XKR4: variants seen among roughly 807,000 people sequenced by gnomAD.
XKR4 encodes XK related 4.
In XKR4, 12 loss-of-function variants were observed where a neutral mutation model predicts 53.9. That is an observed-to-expected ratio of 0.22 (90% CI 0.14 to 0.36). The LOEUF is 0.36. Ranked by LOEUF, XKR4 falls within the 10% of genes least tolerant of loss-of-function variation. The pLI, the probability that XKR4 is intolerant of heterozygous loss-of-function variation, is 1.00. For missense variants in XKR4, 799 were observed against 859.5 expected (o/e 0.93, Z 0.88); for synonymous variants, 354 against 362.4 (o/e 0.98, Z 0.26).
intron 2 of XKR4, among the ~76,000 whole-genome samples, chr8:55,426,724 G>T (rs952866375): frequency 2.6e-5 from 4 of 152,138 alleles, no homozygotes; most frequent in African/African-American, 9.7e-5. Flanking sequence ...TTGAGCCGGA[G>T]GCAACTCAAC....
At chr8:55,461,958 G>T (rs998246506) in intron 2 of XKR4, among the ~76,000 whole-genome samples, 3 of 152,218 alleles carry the variant, frequency 2.0e-5, no homozygotes, top group East Asian at 1.9e-4. Context: ...AAGCCTCCAA[G>T]AAATATGGGA....
chr8:55,485,782 T>C (rs535280656), intron 2 of XKR4, among the ~76,000 whole-genome samples: 20 of 152,268 alleles, frequency 1.3e-4, no homozygotes, highest in Middle Eastern at 3.4e-3. Flanking sequence ...AGTTGCCCAC[T>C]GGGGCACAGG....
Position 55,154,858 on chromosome 8 carries a change from T to C in XKR4, c.806+51564T>C, listed in dbSNP as rs140639269. ...TGAGAAGAGAAATAAGTCAATTAAA[T>C]AGAGATTTGGGAGTATGTATTGACT... On this transcript the variant is annotated intron_variant, in intron 1 of 2. Coordinates refer to ENST00000327381, the MANE Select transcript of XKR4 (RefSeq NM_052898.2). 2.1e-3 allele frequency among the ~76,000 whole-genome samples: 320 copies of C among 152,286 alleles called. 1 individual carries two copies. Among genetic ancestry groups the C allele is most frequent in the African/African-American group, 7.2e-3 (299 of 41,550 alleles).
chr8:55,341,177 A>G (rs1259331302), intron 1 of XKR4, among the ~76,000 whole-genome samples: 2 of 152,158 alleles, frequency 1.3e-5, no homozygotes, highest in Non-Finnish European at 2.9e-5. Context: ...GAGAATAGGG[A>G]AGGGGAACAC....
At chr8:55,300,015 A>G (rs1174935145) in intron 1 of XKR4, among the ~76,000 whole-genome samples, 3 of 152,146 alleles carry the variant, frequency 2.0e-5, no homozygotes, top group Non-Finnish European at 4.4e-5. Context: ...GACTAAGGAC[A>G]CAAGACTGTC....
chr8:55,304,333 C>G (rs1055967297), intron 1 of XKR4, among the ~76,000 whole-genome samples: 2 of 152,118 alleles, frequency 1.3e-5, no homozygotes, highest in African/African-American at 4.8e-5. Context: ...ATCCTGAGTT[C>G]TAGTTTGATT....
intron 1 of XKR4, among the ~76,000 whole-genome samples, chr8:55,114,338 T>C (rs1322102029): frequency 1.3e-5 from 2 of 152,196 alleles, no homozygotes; most frequent in Non-Finnish European, 2.9e-5. Flanking sequence ...GTGTTGAGCA[T>C]TTTTTTCATA....
chr8:55,149,728 A>G (rs903990279), intron 1 of XKR4, among the ~76,000 whole-genome samples: 1 of 152,166 alleles, frequency 6.6e-6, no homozygotes, highest in African/African-American at 2.4e-5. Flanking sequence ...TTAGGAAAAA[A>G]CTAGCTGATA....
intron 1 of XKR4, among the ~76,000 whole-genome samples, chr8:55,293,377 C>A (rs1172296496): frequency 6.6e-6 from 1 of 152,068 alleles, no homozygotes; most frequent in Non-Finnish European, 1.5e-5. Flanking sequence ...AATATAAGCT[C>A]TTTTATAAGA....
At chr8:55,522,240 G>A (rs940557624) in intron 2 of XKR4, among the ~76,000 whole-genome samples, 1 of 152,092 alleles carries the variant, frequency 6.6e-6, no homozygotes, top group Non-Finnish European at 1.5e-5. Flanking sequence ...ACTTTTAGAG[G>A]GAATACCAAC....
intron 1 of XKR4, among the ~76,000 whole-genome samples, chr8:55,300,234 G>A (rs546249031): frequency 2.4e-4 from 37 of 152,304 alleles, no homozygotes; most frequent in Non-Finnish European, 4.1e-4. Context: ...TATGCTGTGT[G>A]TTGAAGGAGG....
chr8:55,456,682 G>A (rs535319983), intron 2 of XKR4, among the ~76,000 whole-genome samples: 16 of 152,248 alleles, frequency 1.1e-4, no homozygotes, highest in South Asian at 1.0e-3. Context: ...GAGATGAGGG[G>A]AGAAAGAAGC....
intron 1 of XKR4, among the ~76,000 whole-genome samples, chr8:55,330,496 T>C (rs1781114889): frequency 6.6e-6 from 1 of 152,072 alleles, no homozygotes; most frequent in Admixed American, 6.5e-5. Flanking sequence ...GGAAAAAACA[T>C]GCTGTTTTAT....
chr8:55,309,230 C>A (rs1287170817), intron 1 of XKR4, among the ~76,000 whole-genome samples: 1 of 152,150 alleles, frequency 6.6e-6, no homozygotes, highest in Non-Finnish European at 1.5e-5. Flanking sequence ...CACTACTTAG[C>A]AATAGAAAAA....
chr8:55,424,462 C>T (rs573228617), intron 2 of XKR4, among the ~76,000 whole-genome samples: 2 of 152,174 alleles, frequency 1.3e-5, no homozygotes, highest in Non-Finnish European at 2.9e-5. Context: ...AAAACAGAAG[C>T]ACAGAGAATT....
At chr8:55,235,064 T>C (rs1272338032) in intron 1 of XKR4, among the ~76,000 whole-genome samples, 1 of 152,174 alleles carries the variant, frequency 6.6e-6, no homozygotes, top group Non-Finnish European at 1.5e-5. Context: ...AAATGAAGGA[T>C]TGGCAGGGTT....
At chr8:55,272,703 G>A (rs184626890) in intron 1 of XKR4, among the ~76,000 whole-genome samples, 50 of 152,324 alleles carry the variant, frequency 3.3e-4, no homozygotes, top group African/African-American at 1.1e-3. Flanking sequence ...AGCATACACA[G>A]CAAGTGTGAC....
At position 55,531,612 on chromosome 8, in the gene XKR4, A is replaced by C. The variant is rs1260067028; in HGVS notation, c.*7385A>C. 1.3e-5 allele frequency: 2 copies of C among 152,190 alleles called. No homozygotes were observed. Among genetic ancestry groups the C allele is most frequent in the Non-Finnish European group, 2.9e-5 (2 of 68,022 alleles). The allele number at this position is 152,190 out of a possible 1,614,324, so 9.4% of individuals were successfully genotyped here. A position where few individuals can be genotyped will look rare whatever the true frequency, so the allele number is the denominator to read the frequency against. On this transcript the variant is annotated 3_prime_UTR_variant, in exon 3 of 3. Transcript: ENST00000327381. ...TTTTAAATTGATATCACAACACACA[A>C]AAAAATTGAAATACTCTCTTGGTGC...
chr8:55,119,788 C>T (rs972634289), intron 1 of XKR4, among the ~76,000 whole-genome samples: 1 of 152,110 alleles, frequency 6.6e-6, no homozygotes, highest in Admixed American at 6.5e-5. Flanking sequence ...TTAAAAGGCT[C>T]CATAATGAGT....
Sources: gnomAD v4.1 joint callset for allele counts (sites outside exome capture counted in the v4.1 genomes callset) on GRCh38, gnomAD v4.1.1 for gene constraint, MANE v1.5 for transcripts, NCBI Gene and HGNC (gene_info 2026-07-23, HGNC 2026-07-21) for gene names.